Variants in GREB1 observed in about 807,000 individuals in gnomAD.
GREB1 encodes the protein growth regulating estrogen receptor binding 1, also known as protein GREB1.
A neutral mutation model predicts 200.7 loss-of-function variants in GREB1; 106 were observed. The observed-to-expected ratio is 0.53, with a 90% confidence interval of 0.45 to 0.62. GREB1 has a LOEUF of 0.62. Ranked by LOEUF, GREB1 falls within the 20% of genes least tolerant of loss-of-function variation. The pLI is 0.00. For synonymous variants in GREB1, 1,132 were observed against 1,092.4 expected (o/e 1.04, Z -0.72); for missense variants, 2,243 against 2,556.8 (o/e 0.88, Z 2.65).
rs184198209 is a variant in GREB1 at position 11,577,110 on chromosome 2, A to G, written c.637+575A>G. 3.0e-4 allele frequency among the ~76,000 whole-genome samples: 45 copies of G among 152,192 alleles called. No homozygotes were observed. In the East Asian group the frequency reaches 8.5e-3, roughly 29 times the overall value. Reference sequence around the variant, plus strand: ...AGAGTGTGCATTACCTCCTATGGCAAGTATTTGGGGCAGTGGTTCTCATCT... The same window carrying G: ...AGAGTGTGCATTACCTCCTATGGCAGGTATTTGGGGCAGTGGTTCTCATCT... On this transcript the variant is annotated intron_variant, in intron 5 of 32. Coordinates refer to ENST00000381486, the MANE Select transcript of GREB1 (RefSeq NM_014668.4).
chr2:11,587,900 C>T, intron 9 of GREB1: 3 of 998,490 alleles, frequency 3.0e-6, no homozygotes, highest in Non-Finnish European at 3.6e-6. Flanking sequence ...CCGACCTGGG[C>T]AATTCCACCT....
chr2:11,492,312 C>T lies in GREB1; in HGVS notation c.-159+9931C>T, dbSNP rs1672789957. On this transcript the variant is annotated intron_variant, in intron 1 of 2. Transcript: ENST00000628795. The surrounding 1 kb of genome is among the most constrained non-coding windows in gnomAD (Gnocchi z 4.0). ...AGGACAAAAACATCCCTCATTCTTTCTTCTCCAAACCCTCAGTGTGCTCTA... is the reference window on the plus strand; with the variant it reads ...AGGACAAAAACATCCCTCATTCTTTTTTCTCCAAACCCTCAGTGTGCTCTA... 6.6e-6 allele frequency among the ~76,000 whole-genome samples: 1 copy of T among 152,242 alleles called. No individual in the cohort carries two copies. The highest frequency in any genetic ancestry group is 1.5e-5 in the Non-Finnish European group (1 of 68,046).
chr2:11,587,630 A>G (rs1680257262), intron 9 of GREB1: 1 of 1,430,524 alleles, frequency 7.0e-7, no homozygotes, highest in Non-Finnish European at 9.1e-7. Flanking sequence ...ATCTGCATAT[A>G]ACACACAGCC....
intron 1 of GREB1, among the ~76,000 whole-genome samples, chr2:11,509,318 A>G (rs1311072425): frequency 6.6e-6 from 1 of 152,158 alleles, no homozygotes; most frequent in Non-Finnish European, 1.5e-5. Flanking sequence ...GCCCCCATAT[A>G]TATATTTCCC....
chr2:11,575,364 G>A (rs549968271), intron 4 of GREB1, among the ~76,000 whole-genome samples: 19 of 152,302 alleles, frequency 1.2e-4, no homozygotes, highest in African/African-American at 4.1e-4. Flanking sequence ...CTTAACCAAC[G>A]CTCCCAATGC....
chr2:11,637,622 C>A, intron 30 of GREB1, 94 bp from the exon 31 acceptor site: 2 of 1,015,132 alleles, frequency 2.0e-6, no homozygotes, highest in Non-Finnish European at 1.5e-6. Flanking sequence ...GTGACACAAG[C>A]TCCCATGCTT....
In GREB1 at chr2:11,578,437, G is replaced by A; in HGVS notation, c.772+6G>A. ...GATGGGAGCTCAGCAGGCAGGTGAG[G>A]TGGTGGAGACACACCAGAGCTGCTA... On this transcript the variant is annotated splice_donor_region_variant and intron_variant, in intron 6 of 32. Transcript: ENST00000381486. 3.1e-6 allele frequency: 5 copies of A among 1,613,542 alleles called. No homozygotes were observed. Among genetic ancestry groups the A allele is most frequent in the African/African-American group, 1.3e-5 (1 of 75,042 alleles).
intron 26 of GREB1, among the ~76,000 whole-genome samples, chr2:11,631,521 C>T (rs537357647): frequency 8.5e-5 from 13 of 152,288 alleles, no homozygotes; most frequent in East Asian, 1.9e-4. Context: ...TTGGTTCAGC[C>T]GGATGATTTT....
intron 2 of GREB1, among the ~76,000 whole-genome samples, chr2:11,558,339 A>G (rs1449440486): frequency 6.6e-6 from 1 of 152,192 alleles, no homozygotes; most frequent in Admixed American, 6.5e-5. Context: ...GCCCACCTTT[A>G]ACTGGGAGGC....
In GREB1 at chr2:11,629,741, C is replaced by T. The variant is rs11903499; in HGVS notation, c.4450-207C>T. 0.01 allele frequency among the ~76,000 whole-genome samples: 1,586 copies of T among 152,230 alleles called. 33 individuals are homozygous for T. The highest frequency in any genetic ancestry group is 0.036 in the African/African-American group (1,501 of 41,536). On this transcript the variant is annotated intron_variant, in intron 25 of 32. Coordinates refer to ENST00000381486, the MANE Select transcript of GREB1 (RefSeq NM_014668.4). This position sits in a 1 kb window ranked among gnomAD's most constrained non-coding sequence, Gnocchi z 5.2. The stretch of plus-strand genomic sequence containing the variant: ...CGGACTGAGGATGGGAGCAGGCTCT[C>T]GTCGTGGGTGTGTGGCCTCGGGCGT...
intron 1 of GREB1, among the ~76,000 whole-genome samples, chr2:11,508,338 ACCAT>A (rs2148442898): frequency 6.6e-6 from 1 of 152,304 alleles, no homozygotes; most frequent in East Asian, 1.9e-4. Flanking sequence ...AGCCACCCTC[ACCAT>A]CCTCTGCATC....
chr2:11,540,804 A>G (rs1040551333), intron 1 of GREB1: 3 of 153,310 alleles, frequency 2.0e-5, no homozygotes, highest in African/African-American at 7.2e-5. Flanking sequence ...TGCAGTCTCA[A>G]TGCGTTTATT....
In GREB1 at chr2:11,556,760, C is replaced by T. The variant is rs865793166; in HGVS notation, c.146C>T (p.Ala49Val). 4.3e-6 allele frequency: 7 copies of T among 1,613,704 alleles called. No individual in the cohort carries two copies. Among genetic ancestry groups the T allele is most frequent in the Non-Finnish European group, 5.9e-6 (7 of 1,179,816 alleles). ...QLYLEAEQQLAALEGGSRVDN... is the reference protein window; with the variant it reads ...QLYLEAEQQLVALEGGSRVDN... ...TACCTGGAAGCTGAGCAGCAGCTTG[C>T]CGCTCTAGAAGGTGGGAGACGCACG... Residue 49 changes from alanine (A) to valine (V), a missense_variant, in exon 2 of 33, where the codon GCC (alanine) becomes GTC (valine). Ala to Val is a moderately conservative substitution (Grantham distance 64). This residue lies in a region of GREB1 where 1,178 missense variants were observed against 1,387.4 expected (regional missense o/e 0.85). Transcript: ENST00000381486.
At chr2:11,544,731 G>C (rs1675099650) in intron 1 of GREB1, among the ~76,000 whole-genome samples, 1 of 152,020 alleles carries the variant, frequency 6.6e-6, no homozygotes, top group South Asian at 2.1e-4. Context: ...CTGGCCGCCT[G>C]TCTGTCCTGC....
intron 1 of GREB1, among the ~76,000 whole-genome samples, chr2:11,494,685 G>A (rs898986424): frequency 6.6e-6 from 1 of 152,160 alleles, no homozygotes; most frequent in African/African-American, 2.4e-5. Context: ...GTCACCTGGA[G>A]TCCTATAGAC....
At chr2:11,567,726 C>G (rs1487358444) in intron 4 of GREB1, among the ~76,000 whole-genome samples, 3 of 152,208 alleles carry the variant, frequency 2.0e-5, no homozygotes, top group Non-Finnish European at 2.9e-5. Context: ...GCTGCCTTTG[C>G]TCATATGATG....
At chr2:11,579,317 AAGCTCCAGTGCTGCTACCTTTTAGC>A (rs1679219026) in intron 6 of GREB1, among the ~76,000 whole-genome samples, 1 of 152,204 alleles carries the variant, frequency 6.6e-6, no homozygotes, top group African/African-American at 2.4e-5. Context: ...GCCTGGGTGT[AAGCTCCAGTGCTGCTACCTTTTAGC>A]TGAGTGATTT....
At chr2:11,518,532 A>C (rs1388454252) in intron 1 of GREB1, among the ~76,000 whole-genome samples, 2 of 88,516 alleles carry the variant, frequency 2.3e-5, no homozygotes, top group Non-Finnish European at 4.4e-5. Context: ...GGGGGCGGGT[A>C]GGGGGTGGGG....
intron 26 of GREB1, among the ~76,000 whole-genome samples, chr2:11,630,855 T>G (rs922765962): frequency 6.6e-6 from 1 of 152,168 alleles, no homozygotes; most frequent in Admixed American, 6.5e-5. Flanking sequence ...TCAGAGTCAG[T>G]TGGCTGCTCT....
Sources: allele counts gnomAD v4.1 joint callset (sites outside exome capture counted in the v4.1 genomes callset), GRCh38; gene constraint gnomAD v4.1.1; regional missense constraint gnomAD v4.1.1; non-coding constraint Gnocchi (gnomAD v3.1); transcripts MANE v1.5; gene names NCBI Gene and HGNC (gene_info 2026-07-23, HGNC 2026-07-21).